SDK1: variants seen among roughly 807,000 people sequenced by gnomAD.
The protein encoded by SDK1 is sidekick cell adhesion molecule 1.
SDK1 carries 157 observed loss-of-function variants against 245.5 expected under a neutral mutation model. The ratio of observed to expected loss-of-function variants is 0.64; its 90% CI spans 0.56 to 0.73. SDK1 has a LOEUF of 0.73. SDK1 is among the 30% of genes least tolerant of loss of function. The pLI is 0.00. For synonymous variants in SDK1, 1,647 were observed against 1,278.5 expected (o/e 1.29, Z -6.15); for missense variants, 3,583 against 3,002.3 (o/e 1.19, Z -4.52).
At chr7:4,045,419 T>TA in intron 17 of SDK1, among the ~76,000 whole-genome samples, 1 of 151,830 alleles carries the variant, frequency 6.6e-6, no homozygotes, top group South Asian at 2.1e-4. Flanking sequence ...CTTTTTTGAT[T>TA]TTTTTTTGTA....
intron 1 of SDK1, among the ~76,000 whole-genome samples, chr7:3,403,869 AATATATATATTTATTTATATT>A: frequency 1.1e-5 from 1 of 88,898 alleles, no homozygotes; most frequent in African/African-American, 4.5e-5. Context: ...ATATATATAT[AATATATATATTTATTTATATT>A]ATATATATAT....
rs1037373802 is a variant in SDK1 at position 4,254,120 on chromosome 7, T to C, written c.6381+8315T>C. Among the ~76,000 whole-genome samples the C allele has an allele frequency of 2.0e-5, 3 of 152,150 alleles. No individual in the cohort carries two copies. In the East Asian group the frequency reaches 5.8e-4, roughly 29 times the overall value. ...CTTTTTGTGCTATTACTATACATAT[T>C]TTACCGGTAGATTAATGATTTTTAT... On this transcript the variant is annotated intron_variant, in intron 44 of 44. Coordinates refer to ENST00000404826, the MANE Select transcript of SDK1 (RefSeq NM_152744.4).
intron 2 of SDK1, among the ~76,000 whole-genome samples, chr7:3,635,133 A>T (rs562582865): frequency 2.0e-5 from 3 of 152,312 alleles, no homozygotes; most frequent in African/African-American, 7.2e-5. Flanking sequence ...CCTGGTCTGG[A>T]TTTGTAATTT....
At chr7:4,070,356 T>G (rs1177213032) in intron 20 of SDK1, among the ~76,000 whole-genome samples, 1 of 152,170 alleles carries the variant, frequency 6.6e-6, no homozygotes, top group East Asian at 1.9e-4. Flanking sequence ...AACTCTGCTT[T>G]GCAAAGACAG....
At chr7:4,234,112 G>C (rs544562145) in intron 41 of SDK1, among the ~76,000 whole-genome samples, 18 of 152,328 alleles carry the variant, frequency 1.2e-4, no homozygotes, top group African/African-American at 4.3e-4. Context: ...TGCCTGACAA[G>C]AGGTCACGTC....
chr7:3,802,753 A>G (rs1779138463), intron 4 of SDK1, among the ~76,000 whole-genome samples: 1 of 152,056 alleles, frequency 6.6e-6, no homozygotes, highest in Non-Finnish European at 1.5e-5. Flanking sequence ...TTAACCTAAT[A>G]CTCTTGAGAC....
chr7:3,924,891 T>C (rs1308868051), intron 5 of SDK1, among the ~76,000 whole-genome samples: 2 of 152,150 alleles, frequency 1.3e-5, no homozygotes, highest in Non-Finnish European at 2.9e-5. Context: ...ACTTGTCTGG[T>C]GCTTCAAGCC....
chr7:3,887,199 C>T (rs1261072067), intron 5 of SDK1, among the ~76,000 whole-genome samples: 1 of 152,022 alleles, frequency 6.6e-6, no homozygotes, highest in Non-Finnish European at 1.5e-5. Flanking sequence ...CTTGTGGCTC[C>T]CCTATCTGAA....
intron 1 of SDK1, among the ~76,000 whole-genome samples, chr7:3,352,683 C>T (rs1453387215): frequency 2.6e-5 from 4 of 152,144 alleles, no homozygotes; most frequent in African/African-American, 9.7e-5. Flanking sequence ...ACCATTCCTT[C>T]CCATTTCCAT....
Position 3,612,012 on chromosome 7 carries a change from T to C in SDK1, c.299-7068T>C, listed in dbSNP as rs1018539301. On this transcript the variant is annotated intron_variant, in intron 1 of 44. Coordinates refer to ENST00000404826, the MANE Select transcript of SDK1 (RefSeq NM_152744.4). ...TAACTGGGGAATGGAAAACCAAACA[T>C]TGTATCTTCTCACTCCTAAGTGGGA... 2.1e-4 allele frequency among the ~76,000 whole-genome samples: 32 copies of C among 152,076 alleles called. 1 individual carries two copies. The highest frequency in any genetic ancestry group is 2.9e-5 in the Non-Finnish European group (2 of 68,020).
intron 4 of SDK1, among the ~76,000 whole-genome samples, chr7:3,772,674 T>G (rs1780437183): frequency 6.6e-6 from 1 of 152,230 alleles, no homozygotes; most frequent in South Asian, 2.1e-4. Context: ...AAATCTTTAT[T>G]TCTTCATACA....
At chr7:3,492,920 C>T (rs912467832) in intron 1 of SDK1, among the ~76,000 whole-genome samples, 1 of 152,104 alleles carries the variant, frequency 6.6e-6, no homozygotes, top group African/African-American at 2.4e-5. Flanking sequence ...TATGCATGTA[C>T]TGTATTCAAA....
chr7:4,034,853 A>G (rs1020159858), intron 17 of SDK1, among the ~76,000 whole-genome samples: 2 of 152,246 alleles, frequency 1.3e-5, no homozygotes, highest in Admixed American at 1.3e-4. Context: ...CAGAAAGAGG[A>G]CGAATTCGAG....
At chr7:3,481,847 C>A (rs1422025133) in intron 1 of SDK1, among the ~76,000 whole-genome samples, 1 of 152,152 alleles carries the variant, frequency 6.6e-6, no homozygotes, top group Non-Finnish European at 1.5e-5. Flanking sequence ...TAAATGCTTT[C>A]CAAATTATCC....
At chr7:3,654,481 G>C (rs1783101775) in intron 4 of SDK1, among the ~76,000 whole-genome samples, 1 of 152,196 alleles carries the variant, frequency 6.6e-6, no homozygotes, top group African/African-American at 2.4e-5. Context: ...CAGGTAGTGC[G>C]ATAAAGGGTT....
chr7:3,636,695 C>T lies in SDK1; in HGVS notation c.459-2309C>T, dbSNP rs1041461526. ...GGGCAGACATCTGAGATTCTTCTTT[C>T]AGTTCTTGGGAAATATACTCAGAAG... On this transcript the variant is annotated intron_variant, in intron 2 of 44. Coordinates refer to ENST00000404826, the MANE Select transcript of SDK1 (RefSeq NM_152744.4). Among the ~76,000 whole-genome samples, 11 of 152,154 alleles carry T rather than the reference C, an allele frequency of 7.2e-5. 1 individual carries two copies. The highest frequency in any genetic ancestry group is 6.5e-4 in the Admixed American group (10 of 15,272).
chr7:4,168,474 G>T (rs555006081), intron 32 of SDK1, among the ~76,000 whole-genome samples: 15 of 152,180 alleles, frequency 9.9e-5, no homozygotes, highest in African/African-American at 3.6e-4. Context: ...CCATCTTCCA[G>T]CCCCAGAGGC....
At chr7:3,472,349 A>G (rs1173534988) in intron 1 of SDK1, among the ~76,000 whole-genome samples, 1 of 152,122 alleles carries the variant, frequency 6.6e-6, no homozygotes, top group Non-Finnish European at 1.5e-5. Context: ...CTTCTGATAT[A>G]TGCCCAGTAT....
chr7:3,830,078 A>T (rs112052503), intron 5 of SDK1, among the ~76,000 whole-genome samples: 4 of 152,298 alleles, frequency 2.6e-5, no homozygotes, highest in African/African-American at 7.2e-5. Flanking sequence ...GTGGATTTAT[A>T]TGACTGATGT....
Sources: gnomAD v4.1 joint callset for allele counts (sites outside exome capture counted in the v4.1 genomes callset) on GRCh38, gnomAD v4.1.1 for gene constraint, MANE v1.5 for transcripts, NCBI Gene and HGNC (gene_info 2026-07-23, HGNC 2026-07-21) for gene names.